The following ADARB1 variants were observed in gnomAD, a reference collection of about 807,000 sequenced individuals.
ADARB1 encodes the protein adenosine deaminase RNA specific B1, also known as double-stranded RNA-specific editase 1.
ADARB1 carries 10 observed loss-of-function variants against 52.4 expected under a neutral mutation model. That is an observed-to-expected ratio of 0.19 (90% CI 0.12 to 0.32). ADARB1 has a LOEUF of 0.32. Among genes scored for constraint, ADARB1 ranks in the 10% least tolerant of loss-of-function variants. The pLI, the probability that ADARB1 is intolerant of heterozygous loss-of-function variation, is 1.00. For synonymous variants in ADARB1, 349 were observed against 371.1 expected (o/e 0.94, Z 0.68); for missense variants, 643 against 922.3 (o/e 0.70, Z 3.92).
chr21:45,160,757 G>A (rs796409652), intron 2 of ADARB1, among the ~76,000 whole-genome samples: 15 of 152,300 alleles, frequency 9.8e-5, no homozygotes, highest in African/African-American at 3.6e-4. Flanking sequence ...TACAGAGCGT[G>A]TACTGAATTT....
chr21:45,192,110 C>A (rs1174042502), intron 8 of ADARB1, among the ~76,000 whole-genome samples: 1 of 151,720 alleles, frequency 6.6e-6, no homozygotes, highest in African/African-American at 2.4e-5. Context: ...TTGTGGCATT[C>A]AGGCAGAGAA....
At position 45,225,567 on chromosome 21, in the gene ADARB1, C is replaced by T. The variant is rs2093047540; in HGVS notation, c.*3370C>T. 7.5e-7 allele frequency: 1 copy of T among 1,338,118 alleles called. No individual in the cohort carries two copies. Among genetic ancestry groups the T allele is most frequent in the Admixed American group, 2.8e-5 (1 of 35,164 alleles). 82.9% of individuals were successfully genotyped at this position (1,338,118 alleles called of 1,614,324 possible). A position where few individuals can be genotyped will look rare whatever the true frequency, so the allele number is the denominator to read the frequency against. On this transcript the variant is annotated 3_prime_UTR_variant, in exon 11 of 11. Transcript: ENST00000348831. ...CACAGGTACACTGAGGAGGGGACGG[C>T]TCCGTCTTCACATTGTGCACAGATC...
chr21:45,165,844 T>C (rs541971955), intron 2 of ADARB1, among the ~76,000 whole-genome samples: 2 of 152,214 alleles, frequency 1.3e-5, no homozygotes, highest in African/African-American at 4.8e-5. Context: ...TTTTTTAGTT[T>C]GCAGTTCAAA....
At chr21:45,182,505 A>G in intron 5 of ADARB1, 80 bp from the exon 6 acceptor site, 3 of 1,464,648 alleles carry the variant, frequency 2.0e-6, no homozygotes, top group Non-Finnish European at 2.8e-6. Flanking sequence ...CACTGAGAAT[A>G]AGAGTCAGAC....
At chr21:45,180,279 C>A in intron 4 of ADARB1, 51 bp from the exon 5 acceptor site, 1 of 1,344,464 alleles carries the variant, frequency 7.4e-7, no homozygotes, top group Non-Finnish European at 1.1e-6. Flanking sequence ...AGAGTGAGCC[C>A]TGCTCCCAGC....
Position 45,221,114 on chromosome 21 carries a change from T to A in ADARB1, c.1926+100T>A. 1 of 1,330,788 alleles carries A rather than the reference T, an allele frequency of 7.5e-7. No homozygotes were observed. The highest frequency in any genetic ancestry group is 1.0e-6 in the Non-Finnish European group (1 of 988,970). 82.4% of individuals were successfully genotyped at this position (1,330,788 alleles called of 1,614,324 possible). ...CTTAAGTTGTTTCATCATGTCATCATGCACAGCTTCCGAAAACGATCACTT... is the reference window on the plus strand; with the variant it reads ...CTTAAGTTGTTTCATCATGTCATCAAGCACAGCTTCCGAAAACGATCACTT... On this transcript the variant is annotated intron_variant, in intron 10 of 10. Transcript: ENST00000348831. This position sits in a 1 kb window ranked among gnomAD's most constrained non-coding sequence, Gnocchi z 4.9.
chr21:45,198,606 T>C (rs960827919), intron 8 of ADARB1, among the ~76,000 whole-genome samples: 3 of 151,994 alleles, frequency 2.0e-5, no homozygotes, highest in African/African-American at 4.8e-5. Context: ...CCAGACAACA[T>C]TGAGTGAGTT....
chr21:45,093,063 C>A (rs1395744548), intron 1 of ADARB1, among the ~76,000 whole-genome samples: 1 of 152,114 alleles, frequency 6.6e-6, no homozygotes, highest in African/African-American at 2.4e-5. Context: ...TACCCCACCC[C>A]ACCCCCAAAT....
chr21:45,143,905 C>CACTTGAT (rs1569063885), intron 2 of ADARB1, among the ~76,000 whole-genome samples: 1 of 152,080 alleles, frequency 6.6e-6, no homozygotes, highest in African/African-American at 2.4e-5. Context: ...TGACACTTGA[C>CACTTGAT]GGCAGTTCAT....
rs2146158762 is a variant in ADARB1 at position 45,176,742 on chromosome 21, G to C, written c.963+78G>C. The C allele has an allele frequency of 7.1e-7, 1 of 1,416,024 alleles. No homozygotes were observed. Among genetic ancestry groups the C allele is most frequent in the Non-Finnish European group, 9.5e-7 (1 of 1,050,724 alleles). The allele number at this position is 1,416,024 out of a possible 1,614,324, so 87.7% of individuals were successfully genotyped here. ...CTTCTAGACAGCATTTTAGTTTCAG[G>C]ATTACTGTTGACTTTCCACCTTGAC... On this transcript the variant is annotated intron_variant, in intron 4 of 10. Coordinates refer to ENST00000348831, the MANE Select transcript of ADARB1 (RefSeq NM_001112.4). This position sits in a 1 kb window ranked among gnomAD's most constrained non-coding sequence, Gnocchi z 5.8.
At chr21:45,078,647 C>T (rs1601224692) in intron 1 of ADARB1, among the ~76,000 whole-genome samples, 2 of 152,010 alleles carry the variant, frequency 1.3e-5, no homozygotes, top group Admixed American at 1.3e-4. Context: ...AGAGGCTGGG[C>T]GAGTGGTAGG....
chr21:45,201,037 G>A (rs1365751518), intron 8 of ADARB1, among the ~76,000 whole-genome samples: 1 of 152,248 alleles, frequency 6.6e-6, no homozygotes, highest in African/African-American at 2.4e-5. Flanking sequence ...GGGGACACCT[G>A]TAGGTTCCTT....
chr21:45,175,186 A>G (rs2091643460), intron 3 of ADARB1, among the ~76,000 whole-genome samples: 1 of 152,246 alleles, frequency 6.6e-6, no homozygotes, highest in Non-Finnish European at 1.5e-5. Flanking sequence ...AATATTTTAA[A>G]CCTGAAAAAC....
At chr21:45,120,192 A>G (rs549983252) in intron 1 of ADARB1, among the ~76,000 whole-genome samples, 83 of 152,354 alleles carry the variant, frequency 5.4e-4, no homozygotes, top group African/African-American at 1.9e-3. Flanking sequence ...TGCCAAAGAA[A>G]GGATTGGGTT....
chr21:45,201,647 A>G (rs542588000), intron 8 of ADARB1, among the ~76,000 whole-genome samples: 2 of 152,362 alleles, frequency 1.3e-5, no homozygotes, highest in African/African-American at 4.8e-5. Context: ...GATCTTCTGT[A>G]TGTGCCAGGT....
At chr21:45,129,909 C>T (rs546546708) in intron 2 of ADARB1, among the ~76,000 whole-genome samples, 1 of 152,172 alleles carries the variant, frequency 6.6e-6, no homozygotes, top group South Asian at 2.1e-4. Flanking sequence ...AACTGGTTCC[C>T]TAGCGAGACC....
intron 9 of ADARB1, among the ~76,000 whole-genome samples, chr21:45,206,560 CTTTTTTTTTTTTTTTTT>C (rs71199660): frequency 1.8e-5 from 1 of 54,958 alleles, no homozygotes; most frequent in East Asian, 6.8e-4. Context: ...CTTCTCTGGT[CTTTTTTTTTTTTTTTTT>C]TTTTTTTTTT....
chr21:45,218,956 C>T (rs1383314118), intron 9 of ADARB1, among the ~76,000 whole-genome samples: 2 of 152,158 alleles, frequency 1.3e-5, no homozygotes, highest in African/African-American at 2.4e-5. Flanking sequence ...TATGAATTAT[C>T]AAGCTCAATA....
At chr21:45,179,199 C>G (rs2091828674) in intron 4 of ADARB1, among the ~76,000 whole-genome samples, 1 of 152,198 alleles carries the variant, frequency 6.6e-6, no homozygotes, top group Non-Finnish European at 1.5e-5. Flanking sequence ...ATTGCAGATG[C>G]CGCTGCCTGC....
Sources: allele counts gnomAD v4.1 joint callset (sites outside exome capture counted in the v4.1 genomes callset), GRCh38; gene constraint gnomAD v4.1.1; non-coding constraint Gnocchi (gnomAD v3.1); transcripts MANE v1.5; gene names NCBI Gene and HGNC (gene_info 2026-07-23, HGNC 2026-07-21).